The following ATRNL1 variants were observed in gnomAD, a reference collection of about 807,000 sequenced individuals.
The protein encoded by ATRNL1 is attractin like 1.
Under a neutral mutation model 182.7 loss-of-function variants are expected in ATRNL1, and 95 were observed. The ratio of observed to expected loss-of-function variants is 0.52; its 90% confidence interval spans 0.44 to 0.62. ATRNL1 has a LOEUF of 0.62. Among genes scored for constraint, ATRNL1 ranks in the 20% least tolerant of loss-of-function variants. ATRNL1 has a pLI of 0.00. For missense variants in ATRNL1, 1,471 were observed against 1,679.5 expected (o/e 0.88, Z 2.17); for synonymous variants, 576 against 568.3 (o/e 1.01, Z -0.19).
chr10:115,650,955 T>C (rs1317062156), intron 26 of ATRNL1, among the ~76,000 whole-genome samples: 3 of 152,178 alleles, frequency 2.0e-5, no homozygotes, highest in Non-Finnish European at 2.9e-5. Flanking sequence ...TAACTCTGAA[T>C]ATATTTTAAT....
At chr10:115,261,821 GAATT>G (rs1294562889) in intron 10 of ATRNL1, among the ~76,000 whole-genome samples, 1 of 151,924 alleles carries the variant, frequency 6.6e-6, no homozygotes, top group Non-Finnish European at 1.5e-5. Context: ...TTGAGCCCAG[GAATT>G]AATTTAGTCC....
At chr10:115,207,687 T>C (rs1021522962) in intron 8 of ATRNL1, among the ~76,000 whole-genome samples, 23 of 152,186 alleles carry the variant, frequency 1.5e-4, no homozygotes, top group Admixed American at 1.2e-3. Flanking sequence ...CCCCCCACAT[T>C]TTACTAGCTT....
At chr10:115,202,258 C>G (rs1848612747) in intron 8 of ATRNL1, among the ~76,000 whole-genome samples, 2 of 151,342 alleles carry the variant, frequency 1.3e-5, no homozygotes, top group South Asian at 4.2e-4. Context: ...GCCAGAACTT[C>G]CAACACTATG....
At chr10:115,113,844 A>T (rs1554869005) in intron 1 of ATRNL1, among the ~76,000 whole-genome samples, 1 of 152,248 alleles carries the variant, frequency 6.6e-6, no homozygotes, top group Admixed American at 6.5e-5. Flanking sequence ...TGTAAACAAG[A>T]CTGCATTGAC....
At chr10:115,668,953 A>G (rs1277704984) in intron 26 of ATRNL1, among the ~76,000 whole-genome samples, 2 of 152,124 alleles carry the variant, frequency 1.3e-5, no homozygotes, top group Non-Finnish European at 2.9e-5. Flanking sequence ...ATTTCTTGAT[A>G]TTAAATTATT....
chr10:115,273,621 G>C (rs1408743354), intron 13 of ATRNL1, among the ~76,000 whole-genome samples: 1 of 152,202 alleles, frequency 6.6e-6, no homozygotes, highest in Non-Finnish European at 1.5e-5. Context: ...CTGTACTTCA[G>C]GGAGGTCCCA....
intron 9 of ATRNL1, among the ~76,000 whole-genome samples, chr10:115,223,673 A>G (rs1423725206): frequency 2.0e-5 from 3 of 151,798 alleles, no homozygotes; most frequent in Admixed American, 2.0e-4. Flanking sequence ...TGAAGCATAT[A>G]CATGGTTTCC....
Position 115,855,628 on chromosome 10 carries a change from C to T in ATRNL1, c.4018+7637C>T, listed in dbSNP as rs578102592. On this transcript the variant is annotated intron_variant, in intron 28 of 28. Transcript: ENST00000355044. Reference sequence around the variant, plus strand: ...AAAGATGTGCAAAAGATGTATACTCCACAAATGTATACTTTACGATGTAAA... The same window carrying T: ...AAAGATGTGCAAAAGATGTATACTCTACAAATGTATACTTTACGATGTAAA... Among the ~76,000 whole-genome samples the T allele has an allele frequency of 5.3e-4, 80 of 152,182 alleles. 3 individuals carry two copies. The South Asian group carries it at 0.016, about 30-fold the overall frequency.
chr10:115,161,632 A>G (rs1846788790), intron 6 of ATRNL1, among the ~76,000 whole-genome samples: 1 of 152,020 alleles, frequency 6.6e-6, no homozygotes, highest in Non-Finnish European at 1.5e-5. Flanking sequence ...GATGAATATT[A>G]TTTGCTATTC....
chr10:115,757,951 G>A (rs183231898), intron 27 of ATRNL1, among the ~76,000 whole-genome samples: 13 of 150,986 alleles, frequency 8.6e-5, no homozygotes, highest in East Asian at 2.0e-4. Flanking sequence ...CTTGTGATTC[G>A]GTTATTGATA....
intron 15 of ATRNL1, among the ~76,000 whole-genome samples, chr10:115,294,743 C>T (rs1554922016): frequency 6.6e-6 from 1 of 151,966 alleles, no homozygotes; most frequent in African/African-American, 2.4e-5. Context: ...ATGAATGGGT[C>T]TTGGGGTATT....
In ATRNL1 at chr10:115,464,185, T is replaced by C. The variant is rs79718071; in HGVS notation, c.3417+2150T>C. 2.3e-3 allele frequency among the ~76,000 whole-genome samples: 350 copies of C among 152,160 alleles called. 1 individual carries two copies. Among genetic ancestry groups the C allele is most frequent in the Non-Finnish European group, 4.0e-3 (273 of 67,940 alleles). ...CATGAGAGGCATCGCTAAGAATTCTTATAATATCATTTTGTGTAACCCTCT... is the reference window on the plus strand; with the variant it reads ...CATGAGAGGCATCGCTAAGAATTCTCATAATATCATTTTGTGTAACCCTCT... On this transcript the variant is annotated intron_variant, in intron 22 of 28. Coordinates refer to ENST00000355044, the MANE Select transcript of ATRNL1 (RefSeq NM_207303.4).
intron 28 of ATRNL1, among the ~76,000 whole-genome samples, chr10:115,904,606 T>C (rs1380140095): frequency 6.6e-6 from 1 of 152,200 alleles, no homozygotes; most frequent in Non-Finnish European, 1.5e-5. Flanking sequence ...AAAATCTATT[T>C]CCTATTCCCC....
chr10:115,358,509 A>G (rs1554943409), intron 19 of ATRNL1, among the ~76,000 whole-genome samples: 1 of 151,640 alleles, frequency 6.6e-6, no homozygotes. Flanking sequence ...TCCAAGCATT[A>G]TATCTAAAAA....
At chr10:115,917,737 T>G (rs550292077) in intron 28 of ATRNL1, among the ~76,000 whole-genome samples, 2 of 152,290 alleles carry the variant, frequency 1.3e-5, no homozygotes, top group East Asian at 3.9e-4. Context: ...CTAACCACAT[T>G]TTGTTCATAA....
Position 115,630,857 on chromosome 10 carries a change from CACACACACACACACACAT to C in ATRNL1, c.3795+81322_3795+81339del, listed in dbSNP as rs1305729956. ...ACACACACACACACACACACACACA[CACACACACACACACACAT>C]TGGAATTTTTTCAGCCTTAAAAAAG... On this transcript the variant is annotated intron_variant, in intron 26 of 28. Transcript: ENST00000355044. Among the ~76,000 whole-genome samples, 4 of 145,632 alleles carry C rather than the reference CACACACACACACACACAT, an allele frequency of 2.7e-5. No homozygotes were observed. The East Asian group carries it at 6.0e-4, about 22-fold the overall frequency.
chr10:115,912,116 C>G (rs1464198114), intron 28 of ATRNL1, among the ~76,000 whole-genome samples: 1 of 152,076 alleles, frequency 6.6e-6, no homozygotes, highest in Admixed American at 6.6e-5. Context: ...CAGCCTAGTT[C>G]TAGAAGTCAT....
At chr10:115,230,915 G>GAGAGAA (rs2144518377) in intron 9 of ATRNL1, among the ~76,000 whole-genome samples, 2 of 137,634 alleles carry the variant, frequency 1.5e-5, no homozygotes, top group African/African-American at 5.6e-5. Flanking sequence ...GAGAGAGAGA[G>GAGAGAA]AGAGAGAAAG....
chr10:115,442,818 A>G (rs1846761941), intron 21 of ATRNL1, among the ~76,000 whole-genome samples: 1 of 152,062 alleles, frequency 6.6e-6, no homozygotes, highest in Non-Finnish European at 1.5e-5. Context: ...AAGGCCTTTG[A>G]TTCCTCACTT....
Sources: gnomAD v4.1 joint callset for allele counts (sites outside exome capture counted in the v4.1 genomes callset) on GRCh38, gnomAD v4.1.1 for gene constraint, MANE v1.5 for transcripts, NCBI Gene and HGNC (gene_info 2026-07-23, HGNC 2026-07-21) for gene names.